Variants in FRZB observed in about 807,000 individuals in gnomAD.
FRZB encodes secreted frizzled-related protein 3.
Under a neutral mutation model 32.5 loss-of-function variants are expected in FRZB, and 34 were observed. That is an observed-to-expected ratio of 1.05 (90% CI 0.80 to 1.39). FRZB has a LOEUF of 1.39. Among genes scored for constraint, FRZB ranks in the 40% most tolerant of loss-of-function variants. FRZB has a pLI of 0.00. For synonymous variants in FRZB, 170 were observed against 159.2 expected (o/e 1.07, Z -0.51); for missense variants, 423 against 424.8 (o/e 1.00, Z 0.04).
rs1173549588 is a variant in FRZB at position 182,866,144 on chromosome 2, C to T, written c.409G>A (p.Glu137Lys). 5 of 1,613,992 alleles carry T rather than the reference C, an allele frequency of 3.1e-6. No individual in the cohort carries two copies. Among genetic ancestry groups the T allele is most frequent in the Non-Finnish European group, 1.7e-6 (2 of 1,180,020 alleles). ...RHSWPENLAC[E>K]ELPVYDRGVC... ...CCCCTGTCGTACACTGGCAGCTCCT[C>T]GCAGGCCAGGTTCTCCGGCCACGAG... is the stretch of plus-strand genomic sequence containing the variant. The change falls in exon 1 of 6, where the codon GAG becomes AAG. Residue 137 changes from glutamate to lysine, a missense_variant. Coordinates refer to ENST00000295113, the MANE Select transcript of FRZB (RefSeq NM_001463.4). The surrounding 1 kb of genome is among the most constrained non-coding windows in gnomAD (Gnocchi z 4.5).
At chr2:182,853,082 T>C (rs1247288289) in intron 2 of FRZB, among the ~76,000 whole-genome samples, 1 of 152,182 alleles carries the variant, frequency 6.6e-6, no homozygotes, top group Admixed American at 6.5e-5. Flanking sequence ...GTGAACAAAT[T>C]ATATTTCCTT....
At position 182,834,824 on chromosome 2, in the gene FRZB, T is replaced by C. The variant is rs1448971151; in HGVS notation, c.*25A>G. On this transcript the variant is annotated 3_prime_UTR_variant, in exon 6 of 6. Transcript: ENST00000295113. ...AAGTAAGTCTTAATAGGAAGTCCAC[T>C]GTGTTACTTTTTGTATTTCGGGATT... 1.3e-6 allele frequency: 2 copies of C among 1,534,794 alleles called. No homozygotes were observed. Among genetic ancestry groups the C allele is most frequent in the African/African-American group, 1.4e-5 (1 of 72,796 alleles).
Position 182,866,273 on chromosome 2 carries a change from G to T in FRZB, c.280C>A (p.Pro94Thr). 1.2e-6 allele frequency: 2 copies of T among 1,614,250 alleles called. No homozygotes were observed. Among genetic ancestry groups the T allele is most frequent in the Non-Finnish European group, 1.7e-6 (2 of 1,180,048 alleles). Residue 94 changes from proline (P) to threonine (T), a missense_variant, in exon 1 of 6, where the codon CCC (proline) becomes ACC (threonine). Pro to Thr is a conservative substitution (Grantham distance 38). Coordinates refer to ENST00000295113, the MANE Select transcript of FRZB (RefSeq NM_001463.4). The surrounding 1 kb of genome is among the most constrained non-coding windows in gnomAD (Gnocchi z 4.5). ...TGCTGGAAGTCAATGGTGCAGATGG[G>T]CGCGTACATGGCACAGAGGAAGAAG... The part of the protein sequence containing the change: ...LLFFLCAMYA[P>T]ICTIDFQHEP...
At chr2:182,863,860 G>A (rs934665032) in intron 1 of FRZB, among the ~76,000 whole-genome samples, 1 of 151,580 alleles carries the variant, frequency 6.6e-6, no homozygotes, top group Admixed American at 6.6e-5. Flanking sequence ...GAAGCCAGGA[G>A]ACCCTTCAGG....
intron 3 of FRZB, among the ~76,000 whole-genome samples, chr2:182,840,590 G>C (rs1574982764): frequency 6.6e-6 from 1 of 151,672 alleles, no homozygotes; most frequent in African/African-American, 2.4e-5. Context: ...AAATATTTTG[G>C]AAGTAAAATA....
At chr2:182,865,118 T>A (rs1695876388) in intron 1 of FRZB, among the ~76,000 whole-genome samples, 1 of 152,088 alleles carries the variant, frequency 6.6e-6, no homozygotes, top group Admixed American at 6.6e-5. Context: ...TGCAATAAAG[T>A]TTTATGGTAG....
At position 182,842,475 on chromosome 2, in the gene FRZB, T is replaced by C; in HGVS notation, c.592+3A>G. Reference sequence around the variant, plus strand: ...TATACATCAACCATGAAATTTTCCTTACCATAGTTGTAATTGTTCCGGAAA... The same window carrying C: ...TATACATCAACCATGAAATTTTCCTCACCATAGTTGTAATTGTTCCGGAAA... On this transcript the variant is annotated splice_donor_region_variant and intron_variant, in intron 3 of 5. Coordinates refer to ENST00000295113, the MANE Select transcript of FRZB (RefSeq NM_001463.4). 6.2e-7 allele frequency: 1 copy of C among 1,608,652 alleles called. No individual in the cohort carries two copies. Among genetic ancestry groups the C allele is most frequent in the Non-Finnish European group, 8.5e-7 (1 of 1,175,280 alleles).
chr2:182,860,779 A>C lies in FRZB; in HGVS notation c.479-1946T>G, dbSNP rs544957284. On this transcript the variant is annotated intron_variant, in intron 1 of 5. Transcript: ENST00000295113. ...CTACTCAGGAGGCTGAGACAGGAGA[A>C]TTGCTTGAACCTTGGAGGCAGAGGT... 8.0e-5 allele frequency among the ~76,000 whole-genome samples: 12 copies of C among 149,606 alleles called. No homozygotes were observed. In the East Asian group the frequency reaches 1.6e-3, roughly 21 times the overall value.
chr2:182,837,856 A>C (rs1695544509), intron 5 of FRZB, 92 bp downstream of exon 5: 2 of 902,068 alleles, frequency 2.2e-6, no homozygotes, highest in Non-Finnish European at 3.6e-6. Flanking sequence ...CATATGGTTG[A>C]AGGCAGCTAT....
At position 182,859,204 on chromosome 2, in the gene FRZB, C is replaced by G. The variant is rs564048980; in HGVS notation, c.479-371G>C. ...ACTTGATGACAAAAAAAAAACCAAA[C>G]GCATCTTCAATAAATGGACATATCA... On this transcript the variant is annotated intron_variant, in intron 1 of 5. Transcript: ENST00000295113. Among the ~76,000 whole-genome samples the G allele has an allele frequency of 2.9e-3, 443 of 151,678 alleles. 3 individuals carry two copies. Among genetic ancestry groups the G allele is most frequent in the African/African-American group, 0.01 (425 of 41,424 alleles).
At chr2:182,847,810 G>A (rs1695662770) in intron 2 of FRZB, among the ~76,000 whole-genome samples, 1 of 152,162 alleles carries the variant, frequency 6.6e-6, no homozygotes, top group Non-Finnish European at 1.5e-5. Context: ...GGGTAAGAAT[G>A]CTTGGCAATC....
intron 2 of FRZB, 76 bp from the exon 3 acceptor site, chr2:182,842,619 G>A (rs535110084): frequency 3.4e-6 from 4 of 1,173,124 alleles, no homozygotes; most frequent in African/African-American, 1.5e-5. Context: ...CACATTTTTT[G>A]CTCAGACTAG....
intron 2 of FRZB, among the ~76,000 whole-genome samples, chr2:182,857,444 A>T (rs1382804910): frequency 6.6e-6 from 1 of 151,958 alleles, no homozygotes; most frequent in Non-Finnish European, 1.5e-5. Flanking sequence ...ACATGGTGAA[A>T]TCTTGTCTCT....
In FRZB at chr2:182,841,713, A is replaced by C. The variant is rs79082770; in HGVS notation, c.592+765T>G. On this transcript the variant is annotated intron_variant, in intron 3 of 5. Coordinates refer to ENST00000295113, the MANE Select transcript of FRZB (RefSeq NM_001463.4). ...TTATGACTCTAAAATATACACCAGC[A>C]TCCAAAGTACATTGTGAACAATCAA... 3.0e-4 allele frequency among the ~76,000 whole-genome samples: 46 copies of C among 152,290 alleles called. No homozygotes were observed. The East Asian group carries it at 8.5e-3, about 28-fold the overall frequency.
chr2:182,855,955 A>G (rs905270130), intron 2 of FRZB, among the ~76,000 whole-genome samples: 6 of 152,156 alleles, frequency 3.9e-5, no homozygotes, highest in Admixed American at 3.3e-4. Flanking sequence ...CCAATTTCCC[A>G]TGAGAAACAT....
chr2:182,852,237 T>C (rs1263512596), intron 2 of FRZB, among the ~76,000 whole-genome samples: 1 of 152,074 alleles, frequency 6.6e-6, no homozygotes, highest in African/African-American at 2.4e-5. Flanking sequence ...AAGCTAAGCA[T>C]AAATCATGTC....
intron 1 of FRZB, among the ~76,000 whole-genome samples, chr2:182,861,512 G>A (rs536623277): frequency 2.0e-4 from 30 of 152,280 alleles, no homozygotes; most frequent in African/African-American, 2.4e-4. Flanking sequence ...GTGCTTTACC[G>A]TTTATCAGTA....
intron 2 of FRZB, among the ~76,000 whole-genome samples, chr2:182,843,004 G>T (rs180948645): frequency 6.6e-6 from 1 of 152,238 alleles, no homozygotes; most frequent in Non-Finnish European, 1.5e-5. Context: ...TTAGCTCCTA[G>T]ATCTGAAAGC....
intron 2 of FRZB, among the ~76,000 whole-genome samples, chr2:182,856,684 G>GA (rs1211586426): frequency 7.9e-5 from 12 of 151,980 alleles, no homozygotes; most frequent in Admixed American, 5.2e-4. Context: ...AGCAATATCA[G>GA]AAAAAATATA....
Sources: allele counts gnomAD v4.1 joint callset (sites outside exome capture counted in the v4.1 genomes callset), GRCh38; gene constraint gnomAD v4.1.1; non-coding constraint Gnocchi (gnomAD v3.1); transcripts MANE v1.5; gene names NCBI Gene and HGNC (gene_info 2026-07-23, HGNC 2026-07-21).